Variants in SLC6A18 observed in about 807,000 individuals in gnomAD.
SLC6A18 encodes solute carrier family 6 member 18.
Under a neutral mutation model 62.9 loss-of-function variants are expected in SLC6A18, and 58 were observed. The ratio of observed to expected loss-of-function variants is 0.92; its 90% CI spans 0.75 to 1.15. The LOEUF (loss-of-function observed/expected upper bound fraction) is 1.15. Ranked by LOEUF, SLC6A18 falls within the 50% of genes most tolerant of loss-of-function variation. The pLI is 0.00. For synonymous variants in SLC6A18, 382 were observed against 365.8 expected, an observed-to-expected ratio of 1.04 and a Z score of -0.51; for missense variants, 793 against 836.6, an observed-to-expected ratio of 0.95 and a Z score of 0.64.
In SLC6A18 at chr5:1,226,973, C is replaced by T. The variant is rs62331324; in HGVS notation, c.160+1336C>T. Among the ~76,000 whole-genome samples the T allele has an allele frequency of 2.1e-3, 216 of 101,958 alleles. 1 individual carries two copies. The highest frequency in any genetic ancestry group is 4.0e-3 in the East Asian group (12 of 2,964). The allele number at this position is 101,958 out of a possible 152,430, so 66.9% of individuals were successfully genotyped here. On this transcript the variant is annotated intron_variant, in intron 1 of 11. Coordinates refer to ENST00000324642, the MANE Select transcript of SLC6A18 (RefSeq NM_182632.3). Reference sequence around the variant, plus strand: ...CCTTGCCCAACGCCTTGCCCACCGACGCCTTGCCCACCGATGCCTTGCCCA... The same window carrying T: ...CCTTGCCCAACGCCTTGCCCACCGATGCCTTGCCCACCGATGCCTTGCCCA...
intron 3 of SLC6A18, among the ~76,000 whole-genome samples, chr5:1,233,299 G>A (rs1048704259): frequency 6.6e-6 from 1 of 152,194 alleles, no homozygotes; most frequent in Admixed American, 6.5e-5. Flanking sequence ...CCAATATGGT[G>A]AAACCCCATC....
chr5:1,232,456 G>A (rs868008382), intron 2 of SLC6A18, 97 bp downstream of exon 2: 27 of 1,485,538 alleles, frequency 1.8e-5, no homozygotes, highest in Middle Eastern at 2.4e-4. Context: ...CCTGTGGTAC[G>A]GAAGCGGCCA....
intron 4 of SLC6A18, among the ~76,000 whole-genome samples, chr5:1,237,137 G>A (rs554152004): frequency 9.3e-5 from 14 of 150,804 alleles, no homozygotes; most frequent in Non-Finnish European, 1.5e-4. Flanking sequence ...AACTACTTGC[G>A]AGGCTGAGGC....
In SLC6A18 at chr5:1,243,593, G is replaced by A. The variant is rs74581452; in HGVS notation, c.1170G>A (p.Thr390=). ...SGPGLAFVVF[T]ETDLHMPGAP... is the part of the protein sequence containing the mutation. Reference sequence around the variant, plus strand: ...CGGGCCTGGCCTTCGTCGTCTTCACGGAGACCGACCTCCACATGCCGGGGG... The same window carrying A: ...CGGGCCTGGCCTTCGTCGTCTTCACAGAGACCGACCTCCACATGCCGGGGG... Residue 390 remains threonine (T), a synonymous_variant, in exon 9 of 12, where the codon ACG becomes ACA. Coordinates refer to ENST00000324642, the MANE Select transcript of SLC6A18 (RefSeq NM_182632.3). This position sits in a 1 kb window ranked among gnomAD's most constrained non-coding sequence, Gnocchi z 6.5. 0.022 allele frequency: 36,093 copies of A among 1,613,924 alleles called. 473 individuals are homozygous for A. Among genetic ancestry groups the A allele is most frequent in the African/African-American group, 0.038 (2,879 of 75,042 alleles).
chr5:1,237,807 A>T, intron 4 of SLC6A18, 143 bp from the exon 5 acceptor site: 1 of 637,848 alleles, frequency 1.6e-6, no homozygotes. Flanking sequence ...CCCAAGGTGC[A>T]CCCCCATCCG....
chr5:1,244,195 C>G lies in SLC6A18; in HGVS notation c.1337-19C>G, dbSNP rs1209373165. 1 of 1,600,560 alleles carries G rather than the reference C, an allele frequency of 6.2e-7. No homozygotes were observed. The highest frequency in any genetic ancestry group is 8.5e-7 in the Non-Finnish European group (1 of 1,171,060). On this transcript the variant is annotated intron_variant, in intron 9 of 11. Transcript: ENST00000324642. ...CTCCCCATCCCCTTACCCCCCACAC[C>G]CCTTTCCCACTGCCCCAGGGCTGGT...
intron 9 of SLC6A18, 39 bp from the exon 10 acceptor site, chr5:1,244,175 C>CCAACCCCAA: frequency 1.1e-6 from 1 of 893,916 alleles, no homozygotes; most frequent in Non-Finnish European, 1.8e-6. Context: ...CTCCACTCCC[C>CCAACCCCAA]ATCCCCTTAC....
At chr5:1,239,348 C>T (rs1055621741) in intron 5 of SLC6A18, 102 bp from the exon 6 acceptor site, 21 of 814,040 alleles carry the variant, frequency 2.6e-5, no homozygotes, top group South Asian at 6.1e-5. Context: ...CACTTGCTCA[C>T]GAGTGTCCCC....
chr5:1,244,540 G>A lies in SLC6A18; in HGVS notation c.1497-68G>A, dbSNP rs376363764. 9.7e-6 allele frequency: 15 copies of A among 1,549,872 alleles called. No individual in the cohort carries two copies. The East Asian group carries it at 1.6e-4, about 16-fold the overall frequency. On this transcript the variant is annotated intron_variant, in intron 10 of 11. Transcript: ENST00000324642. ...GCAGGTTGGACCCCAGTTAGGGTCC[G>A]ATCCTCGGCTTGGAGTGGGTGGACC...
intron 5 of SLC6A18, among the ~76,000 whole-genome samples, chr5:1,238,269 C>A (rs58270569): frequency 0.36 from 19,804 of 54,738 alleles, 2,918 homozygotes; most frequent in African/African-American, 0.56. Flanking sequence ...GAGCCTGGGG[C>A]CTCAGGAAAG....
chr5:1,226,221 T>C (rs962335151), intron 1 of SLC6A18, among the ~76,000 whole-genome samples: 6 of 152,140 alleles, frequency 3.9e-5, no homozygotes, highest in East Asian at 1.9e-4. Flanking sequence ...CAGAAGTGCA[T>C]TGGTGACTGA....
chr5:1,231,286 G>A (rs186771966), intron 1 of SLC6A18, among the ~76,000 whole-genome samples: 3 of 152,152 alleles, frequency 2.0e-5, no homozygotes, highest in Non-Finnish European at 2.9e-5. Flanking sequence ...AAGTGGAGCC[G>A]GCCTGTTCCC....
At chr5:1,227,167 TGCCC>T (rs1406127791) in intron 1 of SLC6A18, among the ~76,000 whole-genome samples, 3 of 151,752 alleles carry the variant, frequency 2.0e-5, no homozygotes, top group African/African-American at 7.3e-5. Context: ...GCCGATGCCT[TGCCC>T]GCCGATGCCT....
chr5:1,245,063 G>A (rs759584609), intron 11 of SLC6A18, among the ~76,000 whole-genome samples: 8 of 152,152 alleles, frequency 5.3e-5, no homozygotes, highest in Non-Finnish European at 8.8e-5. Context: ...ACCCCACAGG[G>A]CCCTGGAGCT....
intron 1 of SLC6A18, among the ~76,000 whole-genome samples, chr5:1,228,269 C>T (rs1746634898): frequency 2.0e-5 from 3 of 152,214 alleles, no homozygotes; most frequent in Admixed American, 1.3e-4. Flanking sequence ...ACCTTGACGG[C>T]CTTCACGCCT....
chr5:1,234,690 C>G (rs1038129677), intron 3 of SLC6A18, among the ~76,000 whole-genome samples: 1 of 152,264 alleles, frequency 6.6e-6, no homozygotes, highest in African/African-American at 2.4e-5. Context: ...GGGGCCAGCT[C>G]TGCCCATGCC....
chr5:1,244,955 G>A (rs912350936), intron 11 of SLC6A18, among the ~76,000 whole-genome samples, 188 bp downstream of exon 11: 11 of 54,054 alleles, frequency 2.0e-4, no homozygotes, highest in African/African-American at 3.8e-4. Context: ...TTTGTGCAGC[G>A]CCCGAGTGCC....
At chr5:1,225,764 G>A in intron 1 of SLC6A18, 127 bp downstream of exon 1, 2 of 1,192,536 alleles carry the variant, frequency 1.7e-6, no homozygotes, top group Non-Finnish European at 2.3e-6. Flanking sequence ...AAACCAGGGT[G>A]CACCATTGCC....
rs113094767 is a variant in SLC6A18, at chr5:1,232,929, C to T, written c.439+41C>T. 313 of 1,575,422 alleles carry T rather than the reference C, an allele frequency of 2.0e-4. No individual in the cohort carries two copies. The East Asian group carries it at 3.2e-3, about 16-fold the overall frequency. On this transcript the variant is annotated intron_variant, in intron 3 of 11. Coordinates refer to ENST00000324642, the MANE Select transcript of SLC6A18 (RefSeq NM_182632.3). ...CCTGCTGTGTGGGTCCGTGCACGGC[C>T]GAGAGAGGCATGTGCTGCAGCGTGT...
Sources: allele counts gnomAD v4.1 joint callset (sites outside exome capture counted in the v4.1 genomes callset), GRCh38; gene constraint gnomAD v4.1.1; non-coding constraint Gnocchi (gnomAD v3.1); transcripts MANE v1.5; gene names NCBI Gene and HGNC (gene_info 2026-07-23, HGNC 2026-07-21).